Variants in PDZD9 observed in about 807,000 individuals in gnomAD.
The protein encoded by PDZD9 is PDZ domain containing 9.
A neutral mutation model predicts 16.3 loss-of-function variants in PDZD9; 13 were observed. That is an observed-to-expected ratio of 0.80 (90% CI 0.52 to 1.27). The LOEUF (loss-of-function observed/expected upper bound fraction) is 1.27. PDZD9 is among the 50% of genes most tolerant of loss of function. The pLI, the probability that PDZD9 is intolerant of heterozygous loss-of-function variation, is 0.00. For synonymous variants in PDZD9, 120 were observed against 111.0 expected (o/e 1.08, Z -0.51); for missense variants, 288 against 310.9 (o/e 0.93, Z 0.55).
At chr16:21,979,313 A>C (rs1057261920), downstream of PDZD9, among the ~76,000 whole-genome samples, 1 of 152,180 alleles carries the variant, frequency 6.6e-6, no homozygotes, top group Non-Finnish European at 1.5e-5. Flanking sequence ...TTTCAACTTG[A>C]CTATGGAGGA....
In PDZD9 at chr16:22,001,059, G is replaced by A. The variant is rs1297263623; in HGVS notation, c.-12C>T. On this transcript the variant is annotated 5_prime_UTR_variant, in exon 1 of 4. Coordinates refer to ENST00000424898, the MANE Select transcript of PDZD9 (RefSeq NM_001363519.1). ...GAGGCCTTCTGCATGGTCCCGGGAG[G>A]TCAGGCAGCCCGGGAGGGCCTCCCG... 2.6e-6 allele frequency: 4 copies of A among 1,524,002 alleles called. No homozygotes were observed. Among genetic ancestry groups the A allele is most frequent in the African/African-American group, 2.8e-5 (2 of 72,380 alleles). The allele number at this position is 1,524,002 out of a possible 1,614,324, so 94.4% of individuals were successfully genotyped here.
the PDZD9 span, chr16:21,971,891 T>C: frequency 6.2e-7 from 1 of 1,611,450 alleles, no homozygotes. Flanking sequence ...CAAGCCATTT[T>C]CTTCTTCCCT....
the PDZD9 span, among the ~76,000 whole-genome samples, chr16:21,975,744 T>G: frequency 1.7e-3 from 254 of 152,294 alleles, 1 homozygote; most frequent in Admixed American, 3.5e-3. Context: ...GGCATGACAC[T>G]GCAAGAGTCT....
chr16:21,965,417 A>C, the PDZD9 span: 2 of 1,613,954 alleles, frequency 1.2e-6, no homozygotes, highest in Non-Finnish European at 1.7e-6. Context: ...GATGTCATTG[A>C]AAATTTGCAT....
At chr16:21,988,039 C>T (rs557917143) in intron 3 of PDZD9, among the ~76,000 whole-genome samples, 5 of 124,860 alleles carry the variant, frequency 4.0e-5, no homozygotes, top group South Asian at 4.8e-4. Flanking sequence ...GACAAAGTCT[C>T]GCTCTATCTC....
At position 21,984,182 on chromosome 16, in the gene PDZD9, C is replaced by G; in HGVS notation, c.*85G>C. 3.5e-6 allele frequency: 5 copies of G among 1,435,672 alleles called. No individual in the cohort carries two copies. Among genetic ancestry groups the G allele is most frequent in the Non-Finnish European group, 4.7e-6 (5 of 1,055,120 alleles). 88.9% of individuals were successfully genotyped at this position (1,435,672 alleles called of 1,614,324 possible). The stretch of plus-strand genomic sequence containing the variant: ...GAGAATTGGTGAGTCTACAGACAGT[C>G]CTTGATAAGTACAGCAAACTTGTGC... On this transcript the variant is annotated 3_prime_UTR_variant, in exon 4 of 4. Coordinates refer to ENST00000424898, the MANE Select transcript of PDZD9 (RefSeq NM_001363519.1).
chr16:21,982,963 CA>C (rs1036084484), downstream of PDZD9: 109,990 of 529,076 alleles, frequency 0.21, 1 homozygote, highest in East Asian at 0.24. Context: ...GACTCCACCT[CA>C]AAAAAAAAAA....
At chr16:21,970,875 C>T in the PDZD9 span, among the ~76,000 whole-genome samples, 3 of 152,212 alleles carry the variant, frequency 2.0e-5, no homozygotes, top group East Asian at 5.8e-4. Context: ...TGTGAGCCAC[C>T]GTGCCCAGTC....
At chr16:21,962,344 C>T in the PDZD9 span, 19 of 1,230,582 alleles carry the variant, frequency 1.5e-5, no homozygotes, top group East Asian at 2.4e-5. Flanking sequence ...TATTATTGTT[C>T]GCACCTTTTA....
At position 22,001,109 on chromosome 16, in the gene PDZD9, A is replaced by C; in HGVS notation, c.-62T>G. On this transcript the variant is annotated 5_prime_UTR_variant, in exon 1 of 4. Coordinates refer to ENST00000424898, the MANE Select transcript of PDZD9 (RefSeq NM_001363519.1). ...GGAGCAGAGGCTGGAGTCAGTCCCA[A>C]TGCCAACAGTTTCGAACCTTGCCCG... 7.1e-7 allele frequency: 1 copy of C among 1,411,022 alleles called. No homozygotes were observed. The highest frequency in any genetic ancestry group is 9.3e-7 in the Non-Finnish European group (1 of 1,069,746). The allele number at this position is 1,411,022 out of a possible 1,614,324, so 87.4% of individuals were successfully genotyped here. A position where few individuals can be genotyped will look rare whatever the true frequency, so the allele number is the denominator to read the frequency against.
the PDZD9 span, among the ~76,000 whole-genome samples, chr16:21,977,525 C>T: frequency 6.6e-6 from 1 of 152,064 alleles, no homozygotes; most frequent in East Asian, 1.9e-4. Context: ...GACTAAAATA[C>T]TTGTCTGCTA....
the PDZD9 span, chr16:21,962,581 C>G: frequency 5.0e-6 from 8 of 1,606,708 alleles, no homozygotes; most frequent in Non-Finnish European, 6.8e-6. Context: ...CACTTCTGGT[C>G]TTTGTAATGC....
chr16:22,000,459 G>T (rs1362288258), intron 1 of PDZD9, among the ~76,000 whole-genome samples: 1 of 151,994 alleles, frequency 6.6e-6, no homozygotes, highest in African/African-American at 2.4e-5. Flanking sequence ...TTTAGGGAGT[G>T]GTGGAACTGT....
intron 2 of PDZD9, among the ~76,000 whole-genome samples, chr16:21,994,908 A>G (rs943894248): frequency 6.6e-6 from 1 of 151,040 alleles, no homozygotes; most frequent in African/African-American, 2.4e-5. Flanking sequence ...ATAGCTCACT[A>G]CAGCCTCGGC....
chr16:22,000,049 A>G (rs1277164626), intron 1 of PDZD9, among the ~76,000 whole-genome samples: 2 of 152,136 alleles, frequency 1.3e-5, no homozygotes, highest in African/African-American at 4.8e-5. Context: ...TCAAAAAAAA[A>G]AAAAAAATTA....
the PDZD9 span, chr16:21,958,558 C>G: frequency 5.6e-5 from 91 of 1,612,178 alleles, no homozygotes; most frequent in Non-Finnish European, 7.1e-5. Flanking sequence ...CTTCATCTTT[C>G]AAGATAACCC....
the PDZD9 span, chr16:21,976,498 C>A: frequency 2.7e-6 from 1 of 368,600 alleles, no homozygotes; most frequent in Non-Finnish European, 5.0e-6. Context: ...TTGAGACCAG[C>A]TTGGGCAACA....
the PDZD9 span, among the ~76,000 whole-genome samples, chr16:21,968,989 G>C: frequency 1.3e-5 from 2 of 152,170 alleles, no homozygotes; most frequent in African/African-American, 4.8e-5. Flanking sequence ...CAGCTTACTA[G>C]AAAAACAGGC....
intron 1 of PDZD9, among the ~76,000 whole-genome samples, chr16:22,000,800 G>C (rs1269848788): frequency 6.6e-6 from 1 of 151,388 alleles, no homozygotes; most frequent in East Asian, 1.9e-4. Context: ...CTCCAGCCTG[G>C]GGGACAAAGC....
Sources: gnomAD v4.1 joint callset for allele counts (sites outside exome capture counted in the v4.1 genomes callset) on GRCh38, gnomAD v4.1.1 for gene constraint, MANE v1.5 for transcripts, NCBI Gene and HGNC (gene_info 2026-07-23, HGNC 2026-07-21) for gene names.